The following SLC7A1 variants were observed in gnomAD, a reference collection of about 807,000 sequenced individuals.
SLC7A1 encodes the protein solute carrier family 7 member 1, also known as high affinity cationic amino acid transporter 1.
SLC7A1 carries 10 observed loss-of-function variants against 53.9 expected under a neutral mutation model. The ratio of observed to expected loss-of-function variants is 0.19; its 90% confidence interval spans 0.11 to 0.31. The LOEUF is 0.31. SLC7A1 is among the 10% of genes least tolerant of loss of function. The pLI is 1.00. For synonymous variants in SLC7A1, 342 were observed against 338.7 expected (o/e 1.01, Z -0.11); for missense variants, 525 against 827.2 (o/e 0.63, Z 4.48).
At chr13:29,531,417 G>A (rs1869157239) in intron 4 of SLC7A1, among the ~76,000 whole-genome samples, 2 of 152,290 alleles carry the variant, frequency 1.3e-5, no homozygotes, top group African/African-American at 2.4e-5. Context: ...GGGTGAAGAG[G>A]TCATTCGGGT....
At chr13:29,586,513 T>C (rs770143087) in intron 1 of SLC7A1, among the ~76,000 whole-genome samples, 1 of 152,220 alleles carries the variant, frequency 6.6e-6, no homozygotes, top group Non-Finnish European at 1.5e-5. Flanking sequence ...CATTAAAGTT[T>C]CTCCCACAAA....
chr13:29,591,635 A>C (rs988428048), intron 1 of SLC7A1, among the ~76,000 whole-genome samples: 2 of 152,216 alleles, frequency 1.3e-5, no homozygotes, highest in African/African-American at 4.8e-5. Context: ...TGAAGAAAGC[A>C]CTGCAGTAGG....
At position 29,522,322 on chromosome 13, in the gene SLC7A1, A is replaced by G. The variant is rs146370112; in HGVS notation, c.1184T>C (p.Val395Ala). 2 of 1,614,222 alleles carry G rather than the reference A, an allele frequency of 1.2e-6. No individual in the cohort carries two copies. Among genetic ancestry groups the G allele is most frequent in the Non-Finnish European group, 1.7e-6 (2 of 1,180,026 alleles). Residue 395 changes from valine (V) to alanine (A), a missense_variant, in exon 8 of 13, where the codon GTT becomes GCT. By Grantham distance (64) the Val-to-Ala change is moderately conservative. Around this residue, in one of 4 missense-constraint regions of SLC7A1, gnomAD observed 354 missense variants for 587.5 expected, o/e 0.60. Coordinates refer to ENST00000380752, the MANE Select transcript of SLC7A1 (RefSeq NM_003045.5). The part of the protein sequence containing the change: ...PIIATLASGA[V>A]AAVMAFLFDL... ...AAATGAGTTCTAGTACTCACCAGCA[A>G]CGGCACCCGAGGCTAATGTGGCGAT...
chr13:29,567,823 T>C (rs1707099), intron 1 of SLC7A1, among the ~76,000 whole-genome samples: 4,393 of 150,698 alleles, frequency 0.029, 212 homozygotes, highest in African/African-American at 0.1. Context: ...AGCAAGCTCT[T>C]GCAAGTCTTG....
intron 1 of SLC7A1, among the ~76,000 whole-genome samples, chr13:29,555,674 G>T (rs2139139467): frequency 6.6e-6 from 1 of 150,946 alleles, no homozygotes; most frequent in African/African-American, 2.4e-5. Flanking sequence ...AAAAAAAGGG[G>T]GGGCGGGCAG....
intron 12 of SLC7A1, 105 bp from the exon 13 acceptor site, chr13:29,514,688 C>T: frequency 1.3e-6 from 1 of 784,282 alleles, no homozygotes; most frequent in Non-Finnish European, 2.1e-6. Context: ...CTCAGGCGGC[C>T]TGCCCCTGCC....
chr13:29,565,949 C>T (rs2139159096), intron 1 of SLC7A1, among the ~76,000 whole-genome samples: 1 of 152,332 alleles, frequency 6.6e-6, no homozygotes, highest in African/African-American at 2.4e-5. Context: ...TCTCACACCT[C>T]TCAAAAGGCA....
At chr13:29,535,010 G>C (rs1000151118) in intron 3 of SLC7A1, among the ~76,000 whole-genome samples, 1 of 152,192 alleles carries the variant, frequency 6.6e-6, no homozygotes, top group African/African-American at 2.4e-5. Context: ...ATGTGTTACA[G>C]GCCGATGCCC....
rs1290472635 is a variant in SLC7A1, at chr13:29,514,427, C to A, written c.*53G>T. 7.1e-7 allele frequency: 1 copy of A among 1,399,528 alleles called. No individual in the cohort carries two copies. The highest frequency in any genetic ancestry group is 1.7e-5 in the Admixed American group (1 of 59,018). 86.7% of individuals were successfully genotyped at this position (1,399,528 alleles called of 1,614,324 possible). A position where few individuals can be genotyped will look rare whatever the true frequency, so the allele number is the denominator to read the frequency against. On this transcript the variant is annotated 3_prime_UTR_variant, in exon 13 of 13. Coordinates refer to ENST00000380752, the MANE Select transcript of SLC7A1 (RefSeq NM_003045.5). ...GGGGAGGGTGGGGTGCCTCCCGGTC[C>A]TCTGGGGGCGTCCCTCGGGGCTGCT...
chr13:29,524,456 G>A (rs951730155), intron 5 of SLC7A1, among the ~76,000 whole-genome samples: 2 of 152,216 alleles, frequency 1.3e-5, no homozygotes, highest in South Asian at 4.1e-4. Flanking sequence ...GTGGCCCAGG[G>A]TCACAAGGGT....
intron 2 of SLC7A1, among the ~76,000 whole-genome samples, chr13:29,548,252 G>C (rs1870010061): frequency 1.3e-5 from 2 of 152,210 alleles, no homozygotes; most frequent in Non-Finnish European, 2.9e-5. Flanking sequence ...TAGTTCACAG[G>C]CTATTCAAAA....
chr13:29,567,568 G>T (rs541338651), intron 1 of SLC7A1, among the ~76,000 whole-genome samples: 1 of 152,328 alleles, frequency 6.6e-6, no homozygotes, highest in African/African-American at 2.4e-5. Context: ...GGGCTTGGCC[G>T]CAGCCTTTTC....
At chr13:29,543,644 A>C (rs1869769711) in intron 2 of SLC7A1, among the ~76,000 whole-genome samples, 1 of 150,946 alleles carries the variant, frequency 6.6e-6, no homozygotes, top group African/African-American at 2.4e-5. Context: ...GAGGTTCCCC[A>C]GGAGGAGGGA....
rs778054070 is a variant in SLC7A1 at position 29,524,291 on chromosome 13, G to A, written c.705-38C>T. 1.2e-5 allele frequency: 20 copies of A among 1,613,090 alleles called. No homozygotes were observed. In the South Asian group the frequency reaches 2.0e-4, roughly 16 times the overall value. ...GCCGCAAACAAATGTCACGTCACTC[G>A]CTGCGCAGTCTGGCGTAAGGAGCTG... On this transcript the variant is annotated intron_variant, in intron 5 of 12. Transcript: ENST00000380752.
chr13:29,591,381 C>T (rs887337157), intron 1 of SLC7A1, among the ~76,000 whole-genome samples: 3 of 152,178 alleles, frequency 2.0e-5, no homozygotes, highest in Non-Finnish European at 4.4e-5. Context: ...CACTCTGGGG[C>T]TCTGCTCTTT....
chr13:29,554,157 G>A (rs1482156537), intron 1 of SLC7A1, among the ~76,000 whole-genome samples: 6 of 152,178 alleles, frequency 3.9e-5, no homozygotes, highest in Admixed American at 2.0e-4. Context: ...GCGTCACACC[G>A]GCAATTTCCA....
At chr13:29,593,432 G>A (rs984012945) in intron 1 of SLC7A1, among the ~76,000 whole-genome samples, 1 of 152,212 alleles carries the variant, frequency 6.6e-6, no homozygotes, top group Admixed American at 6.5e-5. Context: ...GCCTCTGGAA[G>A]AGATAACTCC....
intron 6 of SLC7A1, 21 bp from the exon 7 acceptor site, chr13:29,523,509 C>A (rs377238193): frequency 6.4e-6 from 10 of 1,563,928 alleles, no homozygotes; most frequent in Non-Finnish European, 7.9e-6. Context: ...AAGGGGTCAG[C>A]GGAGGAGGGC....
At chr13:29,524,074 T>G in intron 6 of SLC7A1, 58 bp downstream of exon 6, 1 of 1,566,132 alleles carries the variant, frequency 6.4e-7, no homozygotes, top group Non-Finnish European at 8.8e-7. Flanking sequence ...ATGGCAAGCA[T>G]TGGCTTGTTT....
Sources: allele counts gnomAD v4.1 joint callset (sites outside exome capture counted in the v4.1 genomes callset), GRCh38; gene constraint gnomAD v4.1.1; regional missense constraint gnomAD v4.1.1; transcripts MANE v1.5; gene names NCBI Gene and HGNC (gene_info 2026-07-23, HGNC 2026-07-21).